Variants in ZFP1 observed in about 807,000 individuals in gnomAD.
ZFP1 encodes zinc finger protein 1 homolog.
ZFP1 carries 32 observed loss-of-function variants against 38.5 expected under a neutral mutation model. That is an observed-to-expected ratio of 0.83 (90% CI 0.63 to 1.12). ZFP1 has a LOEUF of 1.12. Among genes scored for constraint, ZFP1 ranks in the 50% most tolerant of loss-of-function variants. ZFP1 has a pLI of 0.00. For missense variants in ZFP1, 616 were observed against 480.8 expected, an observed-to-expected ratio of 1.28 and a Z score of -2.63; for synonymous variants, 245 against 168.8, an observed-to-expected ratio of 1.45 and a Z score of -3.50.
chr16:75,146,357 C>CTTTCCTG (rs2036944246), upstream of ZFP1, among the ~76,000 whole-genome samples: 1 of 152,022 alleles, frequency 6.6e-6, no homozygotes, highest in Admixed American at 6.6e-5. Context: ...TTATTAGAGA[C>CTTTCCTG]AGGGTTTCGC....
Position 75,166,629 on chromosome 16 carries a change from A to AAGAC in ZFP1, c.16-139_16-136dup, listed in dbSNP as rs979630307. ...AACTATTTATAAAAATATATTTTGGAAGACATGAACAAAAACAGTGAACAA... is the reference window on the plus strand; with the variant it reads ...AACTATTTATAAAAATATATTTTGGAAGACAGACATGAACAAAAACAGTGAACAA... On this transcript the variant is annotated intron_variant, in intron 2 of 3. Coordinates refer to ENST00000570010, the MANE Select transcript of ZFP1 (RefSeq NM_153688.4). 2.7e-6 allele frequency: 4 copies of AAGAC among 1,486,336 alleles called. No individual in the cohort carries two copies. In the African/African-American group the frequency reaches 5.7e-5, roughly 21 times the overall value. The allele number at this position is 1,486,336 out of a possible 1,614,324, so 92.1% of individuals were successfully genotyped here. A position where few individuals can be genotyped will look rare whatever the true frequency, so the allele number is the denominator to read the frequency against.
chr16:75,144,899 T>C (rs2145478860), upstream of ZFP1, among the ~76,000 whole-genome samples: 1 of 152,310 alleles, frequency 6.6e-6, no homozygotes, highest in East Asian at 1.9e-4. Context: ...CGTGCAATCA[T>C]AGGTCACTGC....
chr16:75,153,521 A>G (rs1013452601), intron 2 of ZFP1, among the ~76,000 whole-genome samples: 4 of 152,148 alleles, frequency 2.6e-5, no homozygotes, highest in Admixed American at 6.5e-5. Flanking sequence ...TTCTGTTTAT[A>G]TGCGTTCTGT....
intron 2 of ZFP1, among the ~76,000 whole-genome samples, chr16:75,161,771 TATA>T (rs1290597782): frequency 6.1e-5 from 2 of 33,032 alleles, no homozygotes; most frequent in African/African-American, 2.7e-4. Flanking sequence ...TATATATATA[TATA>T]TTTTTTTTTT....
chr16:75,131,390 C>G, the ZFP1 span, among the ~76,000 whole-genome samples: 1 of 152,144 alleles, frequency 6.6e-6, no homozygotes, highest in Non-Finnish European at 1.5e-5. Context: ...CGGGGCAGAG[C>G]TCAGGACCAT....
At chr16:75,158,990 A>G (rs896256225) in intron 2 of ZFP1, among the ~76,000 whole-genome samples, 3 of 147,564 alleles carry the variant, frequency 2.0e-5, no homozygotes, top group Non-Finnish European at 4.5e-5. Flanking sequence ...TCTGCCTCCC[A>G]GGCTCAAGTG....
chr16:75,128,350 T>G, the ZFP1 span, among the ~76,000 whole-genome samples: 1 of 152,254 alleles, frequency 6.6e-6, no homozygotes, highest in Admixed American at 6.5e-5. Flanking sequence ...GGGACAACGT[T>G]CCATCAAAAC....
chr16:75,166,380 T>A (rs1238142052), intron 2 of ZFP1, among the ~76,000 whole-genome samples: 1 of 152,166 alleles, frequency 6.6e-6, no homozygotes, highest in Non-Finnish European at 1.5e-5. Context: ...AGTACAGGCA[T>A]GTGCCACCAT....
At chr16:75,143,015 T>C in the ZFP1 span, among the ~76,000 whole-genome samples, 1 of 152,074 alleles carries the variant, frequency 6.6e-6, no homozygotes, top group African/African-American at 2.4e-5. Flanking sequence ...AAATAAAACA[T>C]TTTACATTTA....
chr16:75,135,008 C>A, the ZFP1 span, among the ~76,000 whole-genome samples: 11 of 151,228 alleles, frequency 7.3e-5, 1 homozygote, highest in East Asian at 2.1e-3. Context: ...AAGCTGAGAT[C>A]GTGCCATTGC....
At position 75,169,435 on chromosome 16, in the gene ZFP1, T is replaced by A; in HGVS notation, c.325T>A (p.Tyr109Asn). ...LRQVPYKYDL[Y>N]EKTLKYNSDL... Reference sequence around the variant, plus strand: ...ACAAGTACCTTATAAATATGACTTATATGAAAAAACTTTGAAATATAATTC... The same window carrying A: ...ACAAGTACCTTATAAATATGACTTAAATGAAAAAACTTTGAAATATAATTC... The change falls in exon 4 of 4, where the codon TAT (tyrosine) becomes AAT (asparagine). Residue 109 changes from tyrosine (Y) to asparagine (N), a missense_variant. Physicochemically the swap from Tyr to Asn is moderately radical, Grantham distance 143. Transcript: ENST00000570010. 1 of 1,612,710 alleles carries A rather than the reference T, an allele frequency of 6.2e-7. No individual in the cohort carries two copies. The highest frequency in any genetic ancestry group is 8.5e-7 in the Non-Finnish European group (1 of 1,179,712).
At chr16:75,150,850 G>A (rs34823361) in intron 1 of ZFP1, among the ~76,000 whole-genome samples, 11 of 151,682 alleles carry the variant, frequency 7.3e-5, no homozygotes, top group Admixed American at 3.9e-4. Flanking sequence ...ATTGAGACAG[G>A]GTCTGTCTCT....
At chr16:75,127,276 G>A in the ZFP1 span, among the ~76,000 whole-genome samples, 2 of 152,010 alleles carry the variant, frequency 1.3e-5, no homozygotes, top group South Asian at 4.1e-4. Context: ...CAGGGAAAGA[G>A]TCTCCCTCTG....
intron 2 of ZFP1, among the ~76,000 whole-genome samples, chr16:75,153,454 A>G (rs943596460): frequency 6.6e-6 from 1 of 152,236 alleles, no homozygotes. Context: ...TTATTTGTAC[A>G]TAATTACACA....
chr16:75,165,196 T>C (rs72802318), intron 2 of ZFP1, among the ~76,000 whole-genome samples: 26,166 of 152,190 alleles, frequency 0.17, 3,206 homozygotes, highest in East Asian at 0.63. Context: ...CAAGTCGGTT[T>C]GTTTTAGCAG....
At position 75,158,399 on chromosome 16, in the gene ZFP1, A is replaced by G. The variant is rs990550834; in HGVS notation, c.15+5433A>G. Reference sequence around the variant, plus strand: ...GATCTCTCTTTCTCACCCAGGCTGCAGTGCTGGAGTGAAGTGGTGTGATCT... The same window carrying G: ...GATCTCTCTTTCTCACCCAGGCTGCGGTGCTGGAGTGAAGTGGTGTGATCT... On this transcript the variant is annotated intron_variant, in intron 2 of 3. Transcript: ENST00000570010. 5.9e-5 allele frequency among the ~76,000 whole-genome samples: 9 copies of G among 151,282 alleles called. No homozygotes were observed. In the East Asian group the frequency reaches 1.4e-3, roughly 23 times the overall value.
chr16:75,158,322 C>T (rs998134489), intron 2 of ZFP1, among the ~76,000 whole-genome samples: 1 of 151,098 alleles, frequency 6.6e-6, no homozygotes, highest in Non-Finnish European at 1.5e-5. Context: ...TTGATCCAGC[C>T]TATTTCTGTC....
chr16:75,152,302 T>C (rs1341076355), intron 1 of ZFP1, among the ~76,000 whole-genome samples: 1 of 152,176 alleles, frequency 6.6e-6, no homozygotes, highest in Non-Finnish European at 1.5e-5. Flanking sequence ...ATACTTCTTT[T>C]CTCCTTTTGG....
Position 75,170,646 on chromosome 16 carries a change from T to G in ZFP1, c.*312T>G, listed in dbSNP as rs2145592313. ...CATAAGAAATATACAAACAGTATCC[T>G]ATGAATTTAGTGGTTTTATGTGGAT... On this transcript the variant is annotated 3_prime_UTR_variant, in exon 4 of 4. Transcript: ENST00000570010. The G allele has an allele frequency of 4.2e-6, 1 of 236,798 alleles. No individual in the cohort carries two copies. Among genetic ancestry groups the G allele is most frequent in the African/African-American group, 2.2e-5 (1 of 44,668 alleles). 14.7% of individuals were successfully genotyped at this position (236,798 alleles called of 1,614,324 possible).
Sources: allele counts gnomAD v4.1 joint callset (sites outside exome capture counted in the v4.1 genomes callset), GRCh38; gene constraint gnomAD v4.1.1; transcripts MANE v1.5; gene names NCBI Gene and HGNC (gene_info 2026-07-23, HGNC 2026-07-21).